TMEM132B: variants seen among roughly 807,000 people sequenced by gnomAD.
TMEM132B encodes the protein transmembrane protein 132B.
In TMEM132B, 18 loss-of-function variants were observed where a neutral mutation model predicts 90.8. That is an observed-to-expected ratio of 0.20 (90% confidence interval 0.14 to 0.29). TMEM132B has a LOEUF of 0.29. TMEM132B is among the 10% of genes least tolerant of loss of function. TMEM132B has a pLI of 1.00. For synonymous variants in TMEM132B, 504 were observed against 523.3 expected (o/e 0.96, Z 0.50); for missense variants, 1,096 against 1,326.8 (o/e 0.83, Z 2.70).
chr12:125,495,323 C>T (rs1252940750), intron 3 of TMEM132B, among the ~76,000 whole-genome samples: 3 of 149,906 alleles, frequency 2.0e-5, no homozygotes, highest in African/African-American at 7.4e-5. Context: ...TCCCCCTCCT[C>T]CCTGGAAATG....
At chr12:125,271,784 CATATA>C (rs1177385171) in intron 1 of TMEM132B, among the ~76,000 whole-genome samples, 1 of 151,720 alleles carries the variant, frequency 6.6e-6, no homozygotes, top group Non-Finnish European at 1.5e-5. Flanking sequence ...ATATTACCTT[CATATA>C]ATATATAATA....
chr12:125,494,262 C>T (rs558277367), intron 3 of TMEM132B, among the ~76,000 whole-genome samples: 8 of 139,434 alleles, frequency 5.7e-5, no homozygotes, highest in African/African-American at 2.2e-4. Context: ...TCCCCCTCCT[C>T]CCTGGAAATG....
intron 5 of TMEM132B, among the ~76,000 whole-genome samples, chr12:125,606,314 CT>C (rs368313402): frequency 0.36 from 46,668 of 129,348 alleles, 6,768 homozygotes; most frequent in African/African-American, 0.4. Flanking sequence ...GATTTCTTTC[CT>C]TTTTTTTTTT....
intron 1 of TMEM132B, among the ~76,000 whole-genome samples, chr12:125,283,132 C>T (rs1205136600): frequency 2.0e-5 from 3 of 152,072 alleles, no homozygotes; most frequent in Non-Finnish European, 4.4e-5. Context: ...TAACATGAGC[C>T]CCCTTTTACA....
intron 1 of TMEM132B, among the ~76,000 whole-genome samples, chr12:125,333,193 C>T (rs908548886): frequency 2.6e-5 from 4 of 152,180 alleles, no homozygotes; most frequent in African/African-American, 9.7e-5. Context: ...CTTCATGTGG[C>T]CTTCTCCTAT....
At chr12:125,555,318 A>C (rs1230308794) in intron 4 of TMEM132B, among the ~76,000 whole-genome samples, 1 of 152,052 alleles carries the variant, frequency 6.6e-6, no homozygotes, top group Non-Finnish European at 1.5e-5. Flanking sequence ...ACCTCATTGA[A>C]GTTAATATAA....
At chr12:125,608,791 A>G (rs975749431) in intron 5 of TMEM132B, among the ~76,000 whole-genome samples, 2 of 152,128 alleles carry the variant, frequency 1.3e-5, no homozygotes, top group African/African-American at 4.8e-5. Context: ...TGGCTACATA[A>G]TTGTCCCATC....
At chr12:125,263,746 G>A (rs1168842406) in intron 1 of TMEM132B, among the ~76,000 whole-genome samples, 1 of 152,250 alleles carries the variant, frequency 6.6e-6, no homozygotes, top group African/African-American at 2.4e-5. Context: ...GGGTTTTGGT[G>A]CAAGAGGTGG....
intron 3 of TMEM132B, among the ~76,000 whole-genome samples, chr12:125,427,678 T>C (rs566762856): frequency 1.3e-5 from 2 of 152,330 alleles, no homozygotes; most frequent in South Asian, 2.1e-4. Context: ...TGGGCCTTAA[T>C]CACCACATTG....
At chr12:125,315,398 C>T (rs1041803408) in intron 1 of TMEM132B, among the ~76,000 whole-genome samples, 2 of 152,160 alleles carry the variant, frequency 1.3e-5, no homozygotes, top group Admixed American at 1.3e-4. Context: ...GGGGTTTCAC[C>T]ATGTTGGCCA....
chr12:125,198,188 A>G (rs968710471), intron 1 of TMEM132B, among the ~76,000 whole-genome samples: 8 of 152,200 alleles, frequency 5.3e-5, no homozygotes, highest in Non-Finnish European at 7.3e-5. Context: ...TGATGCTGCA[A>G]TGGAGATGAT....
chr12:125,270,761 G>T (rs576096655), intron 1 of TMEM132B, among the ~76,000 whole-genome samples: 1 of 136,418 alleles, frequency 7.3e-6, no homozygotes, highest in Non-Finnish European at 1.5e-5. Context: ...AGCTGAACAG[G>T]CTCCTGCAGA....
chr12:125,217,167 C>T (rs540308618), intron 1 of TMEM132B, among the ~76,000 whole-genome samples: 240 of 152,242 alleles, frequency 1.6e-3, no homozygotes, highest in South Asian at 3.3e-3. Context: ...AAAGCAGAAC[C>T]GTAAATCAAC....
intron 2 of TMEM132B, among the ~76,000 whole-genome samples, chr12:125,356,013 G>T (rs1877760304): frequency 6.6e-6 from 1 of 152,206 alleles, no homozygotes; most frequent in African/African-American, 2.4e-5. Flanking sequence ...GGGGGCTGGT[G>T]GCAGGGAAGT....
intron 5 of TMEM132B, among the ~76,000 whole-genome samples, chr12:125,627,675 T>C (rs1886265586): frequency 1.3e-5 from 2 of 152,152 alleles, no homozygotes; most frequent in Non-Finnish European, 2.9e-5. Context: ...AATCCAGTTA[T>C]ACTCTTCTAG....
chr12:125,215,104 CT>C (rs1873404696), intron 1 of TMEM132B, among the ~76,000 whole-genome samples: 4 of 152,228 alleles, frequency 2.6e-5, no homozygotes, highest in Admixed American at 2.6e-4. Context: ...TGCCACTCCC[CT>C]GATGCTCCTC....
In TMEM132B at chr12:125,654,582, G is replaced by A. The variant is rs747402386; in HGVS notation, c.3124G>A (p.Gly1042Ser). The A allele has an allele frequency of 9.3e-6, 15 of 1,614,034 alleles. No individual in the cohort carries two copies. The highest frequency in any genetic ancestry group is 6.7e-5 in the East Asian group (3 of 44,888). The change falls in exon 9 of 9, where the codon GGC becomes AGC. Residue 1042 changes from glycine (G) to serine (S), a missense_variant. Physicochemically the swap from Gly to Ser is moderately conservative, Grantham distance 56 (BLOSUM62 0). Coordinates refer to ENST00000682704, the MANE Select transcript of TMEM132B (RefSeq NM_001366854.1). The surrounding 1 kb of genome is among the most constrained non-coding windows in gnomAD (Gnocchi z 5.8). ...TSYTTILPED[G>S]GPYTNSILFD... Reference sequence around the variant, plus strand: ...CTACACCACCATCCTCCCAGAGGACGGCGGCCCATACACCAACTCCATCCT... The same window carrying A: ...CTACACCACCATCCTCCCAGAGGACAGCGGCCCATACACCAACTCCATCCT...
In TMEM132B at chr12:125,458,161, G is replaced by A. The variant is rs969981870; in HGVS notation, c.1106+42484G>A. Among the ~76,000 whole-genome samples, 3 of 152,056 alleles carry A rather than the reference G, an allele frequency of 2.0e-5. No individual in the cohort carries two copies. In the East Asian group the frequency reaches 5.8e-4, roughly 29 times the overall value. On this transcript the variant is annotated intron_variant, in intron 3 of 8. Transcript: ENST00000682704. The surrounding 1 kb of genome is among the most constrained non-coding windows in gnomAD (Gnocchi z 4.9). ...CAGGACTCAGGGACAGAATCTGTGT[G>A]GGGGATGGAGCTGAGTGGGAGGCAG...
chr12:125,526,946 C>A (rs907198860), intron 4 of TMEM132B, among the ~76,000 whole-genome samples: 1 of 148,816 alleles, frequency 6.7e-6, no homozygotes, highest in African/African-American at 2.5e-5. Flanking sequence ...CACCCATCCA[C>A]CACCCTTCTA....
Sources: allele counts gnomAD v4.1 joint callset (sites outside exome capture counted in the v4.1 genomes callset), GRCh38; gene constraint gnomAD v4.1.1; non-coding constraint Gnocchi (gnomAD v3.1); transcripts MANE v1.5; gene names NCBI Gene and HGNC (gene_info 2026-07-23, HGNC 2026-07-21).